Variants in CCR9 observed in about 807,000 individuals in gnomAD.
CCR9 encodes C-C chemokine receptor type 9.
A neutral mutation model predicts 8.7 loss-of-function variants in CCR9; 4 were observed. The ratio of observed to expected loss-of-function variants is 0.46; its 90% CI spans 0.23 to 1.06. The LOEUF (loss-of-function observed/expected upper bound fraction) is 1.06, where lower values mean the gene tolerates loss of function less well. CCR9 is among the 50% of genes least tolerant of loss of function. The probability of loss-of-function intolerance (pLI) is 0.21; values close to 1 mark genes in which losing one functional copy is unlikely to be tolerated. For synonymous variants in CCR9, 159 were observed against 168.8 expected (o/e 0.94, Z 0.45); for missense variants, 394 against 453.6 (o/e 0.87, Z 1.19).
intron 2 of CCR9, among the ~76,000 whole-genome samples, chr3:45,897,150 T>G (rs779102341): frequency 6.6e-6 from 1 of 152,198 alleles, no homozygotes; most frequent in African/African-American, 2.4e-5. Flanking sequence ...CACTGAGGTT[T>G]GTTTACATTT....
intron 1 of CCR9, among the ~76,000 whole-genome samples, chr3:45,890,088 C>T (rs1185312303): frequency 6.7e-6 from 1 of 149,782 alleles, no homozygotes; most frequent in Non-Finnish European, 1.5e-5. Context: ...AATGTCGTTA[C>T]CATCTATTGC....
At chr3:45,897,680 C>T in intron 2 of CCR9, 2 of 1,365,708 alleles carry the variant, frequency 1.5e-6, no homozygotes, top group Non-Finnish European at 9.9e-7. Flanking sequence ...CCTGCCCCCT[C>T]TCATTTGTTC....
intron 2 of CCR9, chr3:45,895,246 A>T: frequency 2.1e-6 from 1 of 480,822 alleles, no homozygotes; most frequent in Non-Finnish European, 3.7e-6. Context: ...TTAGTTCCAT[A>T]TGCCTGTTCT....
At position 45,894,948 on chromosome 3, in the gene CCR9, C is replaced by A. The variant is rs1299279203; in HGVS notation, c.15C>A (p.Asp5Glu). ...ACTGACCCACCATGACACCCACAGA[C>A]TTCACAGTGAGTACAGCCGTGCTCC... The part of the protein sequence containing the change: MTPT[D>E]FTSPIPNMAD... Residue 5 changes from aspartate to glutamate, a missense_variant, in exon 2 of 3, where the codon GAC (aspartate) becomes GAA (glutamate). Coordinates refer to ENST00000357632, the MANE Select transcript of CCR9 (RefSeq NM_031200.3). The A allele has an allele frequency of 6.2e-7, 1 of 1,614,046 alleles. No homozygotes were observed. The highest frequency in any genetic ancestry group is 1.7e-5 in the Admixed American group (1 of 60,034).
At position 45,902,134 on chromosome 3, in the gene CCR9, G is replaced by T; in HGVS notation, c.*236G>T. 1 of 457,960 alleles carries T rather than the reference G, an allele frequency of 2.2e-6. No homozygotes were observed. Among genetic ancestry groups the T allele is most frequent in the Non-Finnish European group, 4.0e-6 (1 of 251,802 alleles). 28.4% of individuals were successfully genotyped at this position (457,960 alleles called of 1,614,324 possible). A position where few individuals can be genotyped will look rare whatever the true frequency, so the allele number is the denominator to read the frequency against. On this transcript the variant is annotated 3_prime_UTR_variant, in exon 3 of 3. Transcript: ENST00000357632. ...TGTGATGCCCGCAATTCTCAAAGGA[G>T]GACTAAGGACCGGCACTGTGGAGCA...
rs548334013 is a variant in CCR9 at position 45,888,714 on chromosome 3, T to C, written c.-29+2059T>C. Among the ~76,000 whole-genome samples the C allele has an allele frequency of 5.3e-5, 8 of 152,318 alleles. No individual in the cohort carries two copies. The South Asian group carries it at 1.7e-3, about 32-fold the overall frequency. The stretch of plus-strand genomic sequence containing the variant: ...TTTTCCCCCCTATATTTTTCCCGCT[T>C]TCTCACTGGCAAGACAAAAATGAAA... On this transcript the variant is annotated intron_variant, in intron 1 of 2. Transcript: ENST00000357632.
intron 1 of CCR9, among the ~76,000 whole-genome samples, chr3:45,889,800 T>C (rs1702092223): frequency 6.6e-6 from 1 of 152,092 alleles, no homozygotes; most frequent in Admixed American, 6.6e-5. Flanking sequence ...GTTTATTGGC[T>C]ACACATGGTT....
In CCR9 at chr3:45,901,471, T is replaced by C; in HGVS notation, c.683T>C (p.Val228Ala). 3.1e-6 allele frequency: 5 copies of C among 1,614,200 alleles called. No homozygotes were observed. Among genetic ancestry groups the C allele is most frequent in the Non-Finnish European group, 4.2e-6 (5 of 1,180,030 alleles). ...KVILGFFLPF[V>A]VMACCYTIII... The stretch of plus-strand genomic sequence containing the variant: ...ATTCTGGGGTTCTTCCTTCCCTTCG[T>C]GGTCATGGCTTGCTGCTATACCATC... Residue 228 changes from valine to alanine, a missense_variant, in exon 3 of 3, where the codon GTG becomes GCG. Val to Ala is a moderately conservative substitution (Grantham distance 64). Transcript: ENST00000357632. The surrounding 1 kb of genome is among the most constrained non-coding windows in gnomAD (Gnocchi z 4.3).
chr3:45,892,785 AAGTTGGCTACAACAGCACAAGGCACTCC>A (rs1340146053), intron 1 of CCR9, among the ~76,000 whole-genome samples: 6 of 152,148 alleles, frequency 3.9e-5, no homozygotes, highest in Non-Finnish European at 8.8e-5. Flanking sequence ...GTGATCTCTC[AAGTTGGCTACAACAGCACAAGGCACTCC>A]AGTGCACTTT....
intron 1 of CCR9, among the ~76,000 whole-genome samples, chr3:45,890,145 C>T (rs1475436105): frequency 6.8e-6 from 1 of 147,952 alleles, no homozygotes; most frequent in Non-Finnish European, 1.5e-5. Flanking sequence ...CAAAGCCATT[C>T]TTTCTTCTTT....
At chr3:45,889,280 T>C (rs996389003) in intron 1 of CCR9, among the ~76,000 whole-genome samples, 1 of 152,028 alleles carries the variant, frequency 6.6e-6, no homozygotes, top group African/African-American at 2.4e-5. Context: ...CCATCTTGCC[T>C]GGCTTGTGTT....
At chr3:45,889,034 GC>G (rs1702065917) in intron 1 of CCR9, among the ~76,000 whole-genome samples, 1 of 152,224 alleles carries the variant, frequency 6.6e-6, no homozygotes, top group South Asian at 2.1e-4. Flanking sequence ...CACTCAGGCT[GC>G]AGTGCAGCAG....
chr3:45,897,619 T>G, intron 2 of CCR9: 1 of 1,535,224 alleles, frequency 6.5e-7, no homozygotes, highest in Non-Finnish European at 8.7e-7. Flanking sequence ...TCCATCTCCT[T>G]CCAGGACCTT....
intron 1 of CCR9, among the ~76,000 whole-genome samples, chr3:45,891,270 G>A (rs1207503493): frequency 6.6e-6 from 1 of 152,066 alleles, no homozygotes; most frequent in Non-Finnish European, 1.5e-5. Flanking sequence ...GTGTCTTAGG[G>A]TCAATTGCCA....
chr3:45,893,070 G>A (rs577600026), intron 1 of CCR9, among the ~76,000 whole-genome samples: 2 of 152,214 alleles, frequency 1.3e-5, no homozygotes, highest in South Asian at 2.1e-4. Flanking sequence ...AACCCAGACA[G>A]TGAACATATT....
chr3:45,889,803 A>G (rs1260667168), intron 1 of CCR9, among the ~76,000 whole-genome samples: 1 of 151,806 alleles, frequency 6.6e-6, no homozygotes, highest in Non-Finnish European at 1.5e-5. Flanking sequence ...TATTGGCTAC[A>G]CATGGTTTAT....
Position 45,900,878 on chromosome 3 carries a change from C to T in CCR9, c.90C>T (p.Asn30=), listed in dbSNP as rs779576023. 8 of 1,614,170 alleles carry T rather than the reference C, an allele frequency of 5.0e-6. No homozygotes were observed. Among genetic ancestry groups the T allele is most frequent in the Non-Finnish European group, 6.8e-6 (8 of 1,180,008 alleles). Residue 30 remains asparagine (N), a synonymous_variant, in exon 3 of 3, where the codon AAC becomes AAT. Coordinates refer to ENST00000357632, the MANE Select transcript of CCR9 (RefSeq NM_031200.3). The surrounding 1 kb of genome is among the most constrained non-coding windows in gnomAD (Gnocchi z 4.7). ...ESTSSMEDYV[N]FNFTDFYCEK... ...CATCTTCCATGGAAGACTACGTTAA[C>T]TTCAACTTCACTGACTTCTACTGTG...
Position 45,901,692 on chromosome 3 carries a change from A to G in CCR9, c.904A>G (p.Thr302Ala), listed in dbSNP as rs192438929. Residue 302 changes from threonine to alanine, a missense_variant, in exon 3 of 3, where the codon ACC (threonine) becomes GCC (alanine). Coordinates refer to ENST00000357632, the MANE Select transcript of CCR9 (RefSeq NM_031200.3). The surrounding 1 kb of genome is among the most constrained non-coding windows in gnomAD (Gnocchi z 4.3). ...CAACATTGACATCTGCTTCCAGGTC[A>G]CCCAGACCATCGCCTTCTTCCACAG... ...STNIDICFQV[T>A]QTIAFFHSCL... is the part of the protein sequence containing the mutation. 103 of 1,614,082 alleles carry G rather than the reference A, an allele frequency of 6.4e-5. No homozygotes were observed. Among genetic ancestry groups the G allele is most frequent in the Middle Eastern group, 3.3e-4 (2 of 6,060 alleles).
chr3:45,887,025 T>C (rs530081556), intron 1 of CCR9, among the ~76,000 whole-genome samples: 2 of 152,280 alleles, frequency 1.3e-5, no homozygotes, highest in Admixed American at 1.3e-4. Flanking sequence ...AAGGATTCTT[T>C]GTAGCAGTGA....
Sources: gnomAD v4.1 joint callset for allele counts (sites outside exome capture counted in the v4.1 genomes callset) on GRCh38, gnomAD v4.1.1 for gene constraint, Gnocchi (gnomAD v3.1) non-coding constraint, MANE v1.5 for transcripts, NCBI Gene and HGNC (gene_info 2026-07-23, HGNC 2026-07-21) for gene names.